The following AFAP1 variants were observed in gnomAD, a reference collection of about 807,000 sequenced individuals.
AFAP1 encodes the protein actin filament associated protein 1, also known as actin filament-associated protein 1.
Under a neutral mutation model 93.9 loss-of-function variants are expected in AFAP1, and 75 were observed. That is an observed-to-expected ratio of 0.80 (90% CI 0.66 to 0.97). The LOEUF is 0.97. AFAP1 is among the 50% of genes least tolerant of loss of function. The pLI is 0.00. For missense variants in AFAP1, 1,201 were observed against 1,050.8 expected (o/e 1.14, Z -1.98); for synonymous variants, 517 against 430.7 (o/e 1.20, Z -2.48).
intron 1 of AFAP1, among the ~76,000 whole-genome samples, chr4:7,883,334 C>G (rs947254508): frequency 2.0e-5 from 3 of 151,894 alleles, no homozygotes; most frequent in African/African-American, 7.3e-5. Context: ...ATAATCATTC[C>G]TGATATTTTT....
rs1437013963 is a variant in AFAP1, at chr4:7,824,934, CTG to C, written c.727-5765_727-5764del. Among the ~76,000 whole-genome samples, 5 of 152,270 alleles carry C rather than the reference CTG, an allele frequency of 3.3e-5. No individual in the cohort carries two copies. In the East Asian group the frequency reaches 9.6e-4, roughly 29 times the overall value. ...AAATTTATACAGATCTTTTCCAAAG[CTG>C]TGTTTCAAAAGACTGAAAGTCTGGT... is the stretch of plus-strand genomic sequence containing the variant. On this transcript the variant is annotated intron_variant, in intron 6 of 17. Transcript: ENST00000420658.
chr4:7,851,125 G>A (rs1036230499), intron 4 of AFAP1, among the ~76,000 whole-genome samples: 12 of 152,126 alleles, frequency 7.9e-5, no homozygotes, highest in African/African-American at 2.7e-4. Flanking sequence ...TTTGGAGCAC[G>A]GCTACACCAT....
At position 7,809,603 on chromosome 4, in the gene AFAP1, C is replaced by G. The variant is rs745797310; in HGVS notation, c.1054+11G>C. On this transcript the variant is annotated intron_variant, in intron 9 of 17. Transcript: ENST00000420658. ...GTGCACGCTGCTCGTCTCCGGGAAG[C>G]GCAGTCTTACCGCAGGTGGGAACAT... 1.9e-6 allele frequency: 3 copies of G among 1,609,864 alleles called. No individual in the cohort carries two copies. The highest frequency in any genetic ancestry group is 3.4e-5 in the Admixed American group (2 of 59,214).
chr4:7,787,419 G>T (rs1577206932), intron 11 of AFAP1, among the ~76,000 whole-genome samples: 1 of 152,296 alleles, frequency 6.6e-6, no homozygotes, highest in East Asian at 1.9e-4. Context: ...AGGGGTCGTG[G>T]GAACCTCCAA....
intron 3 of AFAP1, among the ~76,000 whole-genome samples, chr4:7,860,345 A>T (rs1715538702): frequency 6.6e-6 from 1 of 151,974 alleles, no homozygotes; most frequent in Non-Finnish European, 1.5e-5. Context: ...GAGCATCCCA[A>T]ATCCAAAAAT....
chr4:7,816,028 T>G lies in AFAP1; in HGVS notation c.894A>C (p.Gly298=), dbSNP rs1348848771. 3 of 1,612,652 alleles carry G rather than the reference T, an allele frequency of 1.9e-6. No individual in the cohort carries two copies. The highest frequency in any genetic ancestry group is 1.7e-6 in the Non-Finnish European group (2 of 1,179,514). ...VVENGITTCN[G]KEQVKRKKSS... is the part of the protein sequence containing the mutation. ...ACAAGCAGAACTCACCTTGCTCCTT[T>G]CCATTACATGTGGTAATTCCATTTT... The change falls in exon 8 of 18, where the codon GGA becomes GGC. Residue 298 remains glycine (G), a synonymous_variant. Coordinates refer to ENST00000420658, the MANE Select transcript of AFAP1 (RefSeq NM_001134647.2).
chr4:7,908,195 G>A (rs61601120), intron 1 of AFAP1, among the ~76,000 whole-genome samples: 2,900 of 151,964 alleles, frequency 0.019, 52 homozygotes, highest in South Asian at 0.07. Flanking sequence ...CTGGGCGACA[G>A]AGCAAGACTC....
At chr4:7,900,801 A>T (rs1391406217) in intron 1 of AFAP1, among the ~76,000 whole-genome samples, 1 of 152,244 alleles carries the variant, frequency 6.6e-6, no homozygotes, top group Non-Finnish European at 1.5e-5. Context: ...TCACTGAAAC[A>T]AAAGAATGAG....
At chr4:7,845,079 G>T (rs1433662907) in intron 4 of AFAP1, among the ~76,000 whole-genome samples, 1 of 152,172 alleles carries the variant, frequency 6.6e-6, no homozygotes, top group Non-Finnish European at 1.5e-5. Context: ...AATACTAGCA[G>T]GGAGGAACAG....
intron 4 of AFAP1, among the ~76,000 whole-genome samples, chr4:7,848,099 A>AGAAGGAAGGAAGGAAG (rs143271001): frequency 0.034 from 3,980 of 116,022 alleles, 107 homozygotes; most frequent in South Asian, 0.075. Flanking sequence ...AGGGAAGGAA[A>AGAAGGAAGGAAGGAAG]GAAGGAAGGA....
At chr4:7,919,974 C>T (rs1387856438) in intron 1 of AFAP1, among the ~76,000 whole-genome samples, 1 of 152,186 alleles carries the variant, frequency 6.6e-6, no homozygotes, top group Non-Finnish European at 1.5e-5. Context: ...AGGACATGAT[C>T]TTGTTCCTTT....
At chr4:7,855,907 G>A (rs984620394) in intron 3 of AFAP1, among the ~76,000 whole-genome samples, 6 of 152,090 alleles carry the variant, frequency 3.9e-5, no homozygotes, top group East Asian at 1.9e-4. Context: ...GCTGCCCCAG[G>A]GGTCTGAGAC....
chr4:7,905,013 A>T (rs1719321353), intron 1 of AFAP1, among the ~76,000 whole-genome samples: 1 of 152,142 alleles, frequency 6.6e-6, no homozygotes, highest in Non-Finnish European at 1.5e-5. Context: ...CAGCCCTACA[A>T]ATGTGACTTA....
chr4:7,843,011 G>A (rs1291037243), intron 5 of AFAP1, 128 bp downstream of exon 5: 3 of 1,056,928 alleles, frequency 2.8e-6, no homozygotes, highest in East Asian at 2.5e-5. Flanking sequence ...GGCTAGCTCA[G>A]GGCACCTGGC....
intron 4 of AFAP1, among the ~76,000 whole-genome samples, chr4:7,851,575 A>T (rs1205216075): frequency 6.6e-6 from 1 of 152,178 alleles, no homozygotes; most frequent in Non-Finnish European, 1.5e-5. Flanking sequence ...AAATACCACG[A>T]CCCACTGTAG....
chr4:7,880,431 C>A (rs963549744), intron 1 of AFAP1, among the ~76,000 whole-genome samples: 1 of 152,150 alleles, frequency 6.6e-6, no homozygotes, highest in Non-Finnish European at 1.5e-5. Flanking sequence ...AGGCACCCAC[C>A]ACCACACCCG....
At chr4:7,768,816 C>A in intron 17 of AFAP1, 28 bp downstream of exon 17, 1 of 1,542,422 alleles carries the variant, frequency 6.5e-7, no homozygotes, top group Non-Finnish European at 8.8e-7. Flanking sequence ...CCCAGGACAC[C>A]CAGACACCCC....
chr4:7,827,177 C>A (rs1721497289), intron 6 of AFAP1, among the ~76,000 whole-genome samples: 1 of 152,028 alleles, frequency 6.6e-6, no homozygotes, highest in African/African-American at 2.4e-5. Context: ...GAAGCGTCCA[C>A]CCAAGCTGAG....
At chr4:7,880,775 C>T (rs1335526516) in intron 1 of AFAP1, among the ~76,000 whole-genome samples, 2 of 152,190 alleles carry the variant, frequency 1.3e-5, no homozygotes, top group East Asian at 1.9e-4. Flanking sequence ...TTGTCTGTCT[C>T]CGCTCTCCTA....
Sources: allele counts gnomAD v4.1 joint callset (sites outside exome capture counted in the v4.1 genomes callset), GRCh38; gene constraint gnomAD v4.1.1; transcripts MANE v1.5; gene names NCBI Gene and HGNC (gene_info 2026-07-23, HGNC 2026-07-21).